The following FNDC3B variants were observed in gnomAD, a reference collection of about 807,000 sequenced individuals.
The protein encoded by FNDC3B is fibronectin type III domain-containing protein 3B.
FNDC3B carries 12 observed loss-of-function variants against 151.5 expected under a neutral mutation model. The observed-to-expected ratio is 0.08, with a 90% CI of 0.05 to 0.13. The LOEUF is 0.13. FNDC3B is among the 10% of genes least tolerant of loss of function. The pLI, the probability that FNDC3B is intolerant of heterozygous loss-of-function variation, is 1.00. For synonymous variants in FNDC3B, 528 were observed against 549.0 expected, an observed-to-expected ratio of 0.96 and a Z score of 0.54; for missense variants, 1,214 against 1,505.3, an observed-to-expected ratio of 0.81 and a Z score of 3.20.
At chr3:172,343,296 C>G (rs540330410) in intron 18 of FNDC3B, among the ~76,000 whole-genome samples, 180 bp downstream of exon 18, 2 of 152,246 alleles carry the variant, frequency 1.3e-5, no homozygotes, top group South Asian at 4.1e-4. Flanking sequence ...GTCATTCCCC[C>G]CATCCACACC....
At chr3:172,239,406 AT>A (rs1368641200) in intron 4 of FNDC3B, among the ~76,000 whole-genome samples, 2 of 152,172 alleles carry the variant, frequency 1.3e-5, no homozygotes, top group African/African-American at 2.4e-5. Context: ...GTTGGCAGCA[AT>A]AAGAAATTCA....
At chr3:172,301,394 C>T (rs1381518097) in intron 9 of FNDC3B, among the ~76,000 whole-genome samples, 5 of 152,182 alleles carry the variant, frequency 3.3e-5, no homozygotes, top group Admixed American at 2.0e-4. Context: ...TCTCTTTTTA[C>T]AGTCCAGTTA....
chr3:172,108,911 T>G (rs965007280), intron 1 of FNDC3B, among the ~76,000 whole-genome samples: 37 of 152,266 alleles, frequency 2.4e-4, no homozygotes, highest in African/African-American at 6.3e-4. Context: ...AGGGACAGCT[T>G]GGCAGGCAGT....
intron 7 of FNDC3B, among the ~76,000 whole-genome samples, chr3:172,292,561 C>T (rs1375280208): frequency 6.6e-6 from 1 of 152,178 alleles, no homozygotes; most frequent in Non-Finnish European, 1.5e-5. Context: ...TGTTTGGTAT[C>T]TAGAACGTTG....
At chr3:172,060,811 A>G (rs2108471148) in intron 1 of FNDC3B, among the ~76,000 whole-genome samples, 1 of 152,378 alleles carries the variant, frequency 6.6e-6, no homozygotes, top group East Asian at 1.9e-4. Flanking sequence ...TGTTTGAACC[A>G]GGTGAAAACT....
Position 172,040,269 on chromosome 3 carries a change from G to A in FNDC3B, c.-29+498G>A, listed in dbSNP as rs1715952989. On this transcript the variant is annotated intron_variant, in intron 1 of 25. Transcript: ENST00000415807. The surrounding 1 kb of genome is among the most constrained non-coding windows in gnomAD (Gnocchi z 6.6). ...GGCTGTAGATTTCCATATGGTGGAGGGAAGAGGGCGGGAGTGCGAAGTGGG... is the reference window on the plus strand; with the variant it reads ...GGCTGTAGATTTCCATATGGTGGAGAGAAGAGGGCGGGAGTGCGAAGTGGG... Among the ~76,000 whole-genome samples, 1 of 152,016 alleles carries A rather than the reference G, an allele frequency of 6.6e-6. No individual in the cohort carries two copies. The highest frequency in any genetic ancestry group is 2.1e-4 in the South Asian group (1 of 4,832).
intron 1 of FNDC3B, among the ~76,000 whole-genome samples, chr3:172,097,818 G>A (rs185817036): frequency 4.5e-4 from 68 of 152,228 alleles, no homozygotes; most frequent in African/African-American, 1.6e-3. Context: ...TTTATGATGG[G>A]CATGGATACA....
chr3:172,247,803 A>T (rs1359244806), intron 5 of FNDC3B, 27 bp downstream of exon 5: 1 of 1,612,880 alleles, frequency 6.2e-7, no homozygotes, highest in Non-Finnish European at 8.5e-7. Flanking sequence ...TGGCGTCAGG[A>T]GCCGTTGAAA....
intron 3 of FNDC3B, among the ~76,000 whole-genome samples, chr3:172,145,913 A>G (rs1381316858): frequency 6.7e-6 from 1 of 148,854 alleles, no homozygotes. Flanking sequence ...ACCCGGGTTT[A>G]AGCGATTCTC....
Position 172,163,102 on chromosome 3 carries a change from CA to C in FNDC3B, c.187+29561del, listed in dbSNP as rs565412707. On this transcript the variant is annotated intron_variant, in intron 3 of 25. Transcript: ENST00000415807. ...AGCCTGGGCAACGACTCTGTCTATA[CA>C]AAAATTTTTTTAAAAAAATTAACTG... 2.4e-3 allele frequency among the ~76,000 whole-genome samples: 363 copies of C among 151,906 alleles called. 1 individual carries two copies. The highest frequency in any genetic ancestry group is 7.9e-3 in the African/African-American group (329 of 41,390).
chr3:172,303,923 T>C (rs1003636357), intron 9 of FNDC3B, among the ~76,000 whole-genome samples: 4 of 152,206 alleles, frequency 2.6e-5, no homozygotes, highest in African/African-American at 9.7e-5. Flanking sequence ...ATATGCAGCA[T>C]ACTTACATTG....
At chr3:172,286,069 G>A (rs1245978466) in intron 7 of FNDC3B, 85 bp downstream of exon 7, 7 of 948,184 alleles carry the variant, frequency 7.4e-6, no homozygotes, top group Middle Eastern at 2.4e-4. Context: ...CACACAGTAG[G>A]TAAGGAAAAG....
At position 172,335,119 on chromosome 3, in the gene FNDC3B, T is replaced by C. The variant is rs1732894291; in HGVS notation, c.1780+37T>C. On this transcript the variant is annotated intron_variant, in intron 15 of 25. Transcript: ENST00000415807. ...TGCTGCTGCTACTGTTTTTTTTTTT[T>C]TTTTCTTTTGATAGATTTTTAAAAA... 4 of 1,521,078 alleles carry C rather than the reference T, an allele frequency of 2.6e-6. No individual in the cohort carries two copies. The East Asian group carries it at 9.4e-5, about 36-fold the overall frequency. 94.2% of individuals were successfully genotyped at this position (1,521,078 alleles called of 1,614,324 possible).
intron 1 of FNDC3B, among the ~76,000 whole-genome samples, chr3:172,041,796 T>A (rs1461904852): frequency 1.3e-5 from 2 of 152,122 alleles, no homozygotes; most frequent in Non-Finnish European, 2.9e-5. Flanking sequence ...GGGCCCTTGG[T>A]TCCCCCTCAT....
Position 172,352,944 on chromosome 3 carries a change from C to T in FNDC3B, c.2656C>T (p.Leu886Phe), listed in dbSNP as rs1257258628. 2 of 1,614,202 alleles carry T rather than the reference C, an allele frequency of 1.2e-6. No homozygotes were observed. The highest frequency in any genetic ancestry group is 1.3e-5 in the African/African-American group (1 of 75,046). The change falls in exon 22 of 26, where the codon CTT becomes TTT. Residue 886 changes from leucine to phenylalanine, a missense_variant. By Grantham distance (22) the Leu-to-Phe change is conservative. This residue lies in a region of FNDC3B where 380 missense variants were observed against 420.9 expected (regional missense o/e 0.90). Coordinates refer to ENST00000415807, the MANE Select transcript of FNDC3B (RefSeq NM_022763.4). The surrounding 1 kb of genome is among the most constrained non-coding windows in gnomAD (Gnocchi z 4.2). ...DAYPDSPSAC[L>F]VLNWEEPCNN... ...CTACCCTGATTCACCTTCTGCGTGC[C>T]TTGTACTGAACTGGGAAGAGCCGTG...
At chr3:172,183,017 G>T (rs534912577) in intron 3 of FNDC3B, among the ~76,000 whole-genome samples, 2 of 152,340 alleles carry the variant, frequency 1.3e-5, no homozygotes, top group Non-Finnish European at 2.9e-5. Context: ...GAGTCTTCTA[G>T]ATTGCTTTCA....
chr3:172,355,411 A>G (rs933111609), intron 22 of FNDC3B, among the ~76,000 whole-genome samples: 5 of 152,304 alleles, frequency 3.3e-5, no homozygotes, highest in African/African-American at 1.2e-4. Context: ...AATAGCAGTG[A>G]TTCTCAAAGT....
chr3:172,223,065 T>C lies in FNDC3B; in HGVS notation c.188-3806T>C, dbSNP rs535603463. 5.1e-4 allele frequency among the ~76,000 whole-genome samples: 77 copies of C among 152,350 alleles called. 1 individual carries two copies. The highest frequency in any genetic ancestry group is 5.9e-4 in the Non-Finnish European group (40 of 68,030). On this transcript the variant is annotated intron_variant, in intron 3 of 25. Coordinates refer to ENST00000415807, the MANE Select transcript of FNDC3B (RefSeq NM_022763.4). ...GTTCAAGGTTTAAGTAAATGAAAAT[T>C]CAATTCATTAACAATTGCTAGCAGA... is the stretch of plus-strand genomic sequence containing the variant.
chr3:172,283,379 T>G (rs918815924), intron 6 of FNDC3B, among the ~76,000 whole-genome samples: 1 of 152,230 alleles, frequency 6.6e-6, no homozygotes, highest in Non-Finnish European at 1.5e-5. Flanking sequence ...CAAAGCATCC[T>G]GTTTTAACTC....
Sources: gnomAD v4.1 joint callset for allele counts (sites outside exome capture counted in the v4.1 genomes callset) on GRCh38, gnomAD v4.1.1 for gene constraint, gnomAD v4.1.1 regional missense constraint, Gnocchi (gnomAD v3.1) non-coding constraint, MANE v1.5 for transcripts, NCBI Gene and HGNC (gene_info 2026-07-23, HGNC 2026-07-21) for gene names.